The following BMPR1B variants were observed in gnomAD, a reference collection of about 807,000 sequenced individuals.
The protein encoded by BMPR1B is bone morphogenetic protein receptor type-1B.
In BMPR1B, 12 loss-of-function variants were observed where a neutral mutation model predicts 59.1. The observed-to-expected ratio is 0.20, with a 90% CI of 0.13 to 0.33. BMPR1B has a LOEUF of 0.33. Ranked by LOEUF, BMPR1B falls within the 10% of genes least tolerant of loss-of-function variation. BMPR1B has a pLI of 1.00. For synonymous variants in BMPR1B, 237 were observed against 207.3 expected (o/e 1.14, Z -1.23); for missense variants, 550 against 610.9 (o/e 0.90, Z 1.05).
intron 3 of BMPR1B, among the ~76,000 whole-genome samples, chr4:95,082,863 C>A (rs28392869): frequency 0.62 from 92,832 of 150,628 alleles, 29,398 homozygotes; most frequent in South Asian, 0.73. Context: ...ACGGTGAAGC[C>A]TCGTCTCTAC....
intron 2 of BMPR1B, among the ~76,000 whole-genome samples, chr4:94,883,651 AATAC>A (rs1224730406): frequency 3.9e-5 from 6 of 152,022 alleles, no homozygotes; most frequent in African/African-American, 1.2e-4. Flanking sequence ...TATATTCTGT[AATAC>A]ATATTAATGT....
chr4:94,893,942 A>C (rs914157798), intron 2 of BMPR1B, among the ~76,000 whole-genome samples: 4 of 152,016 alleles, frequency 2.6e-5, no homozygotes, highest in African/African-American at 4.8e-5. Flanking sequence ...TGTCCTTGGC[A>C]GTTCTTGAGA....
intron 2 of BMPR1B, among the ~76,000 whole-genome samples, chr4:94,955,321 ACTTAAG>A (rs779291781): frequency 4.6e-5 from 7 of 152,192 alleles, no homozygotes; most frequent in Non-Finnish European, 1.0e-4. Context: ...CCATGTGATT[ACTTAAG>A]CTTAATATAC....
At chr4:94,932,602 A>G (rs116416686) in intron 2 of BMPR1B, among the ~76,000 whole-genome samples, 175 of 152,300 alleles carry the variant, frequency 1.1e-3, no homozygotes, top group African/African-American at 3.8e-3. Context: ...GCAGTTTGTC[A>G]TAAATAAATG....
At chr4:94,774,865 AT>A (rs11344222) in intron 1 of BMPR1B, among the ~76,000 whole-genome samples, 7,465 of 152,160 alleles carry the variant, frequency 0.049, 454 homozygotes, top group African/African-American at 0.15. Flanking sequence ...GTCAGTGTTG[AT>A]TAACTGACTT....
chr4:94,886,251 C>T (rs1302010450), intron 2 of BMPR1B, among the ~76,000 whole-genome samples: 1 of 152,098 alleles, frequency 6.6e-6, no homozygotes. Context: ...AAGACTATTA[C>T]AATTTGATAA....
At chr4:94,768,888 A>G (rs932846536) in intron 1 of BMPR1B, among the ~76,000 whole-genome samples, 19 of 152,198 alleles carry the variant, frequency 1.2e-4, no homozygotes, top group African/African-American at 4.6e-4. Flanking sequence ...CATGTATTAT[A>G]TAAAATATAT....
intron 1 of BMPR1B, among the ~76,000 whole-genome samples, chr4:94,825,687 C>G (rs1724358423): frequency 6.6e-6 from 1 of 151,982 alleles, no homozygotes; most frequent in African/African-American, 2.4e-5. Flanking sequence ...TGCAATAGTT[C>G]TGGGGAGTAA....
At chr4:94,791,518 A>T (rs1276660872) in intron 1 of BMPR1B, among the ~76,000 whole-genome samples, 1 of 152,238 alleles carries the variant, frequency 6.6e-6, no homozygotes, top group African/African-American at 2.4e-5. Context: ...AATGACATTT[A>T]AAAATATTCT....
chr4:94,854,580 G>A (rs1725687326), intron 1 of BMPR1B, among the ~76,000 whole-genome samples: 1 of 152,100 alleles, frequency 6.6e-6, no homozygotes, highest in Admixed American at 6.6e-5. Context: ...TAAATACTAT[G>A]CATTTATATG....
rs763655134 is a variant in BMPR1B, at chr4:94,975,363, G to GTTTTTTTT, written c.-112-20666_-112-20659dup. Among the ~76,000 whole-genome samples, 76 of 111,636 alleles carry GTTTTTTTT rather than the reference G, an allele frequency of 6.8e-4. 1 individual carries two copies. The highest frequency in any genetic ancestry group is 1.6e-3 in the East Asian group (5 of 3,104). The allele number at this position is 111,636 out of a possible 152,430, so 73.2% of individuals were successfully genotyped here. ...AAAATCTTAATTTCCTTTTGTTTTT[G>GTTTTTTTT]TTTTTTTTTTTTTTTTTTGAGACGG... On this transcript the variant is annotated intron_variant, in intron 2 of 12. Coordinates refer to ENST00000515059, the MANE Select transcript of BMPR1B (RefSeq NM_001203.3).
At chr4:94,852,100 T>C (rs1370315710) in intron 1 of BMPR1B, among the ~76,000 whole-genome samples, 1 of 152,178 alleles carries the variant, frequency 6.6e-6, no homozygotes, top group African/African-American at 2.4e-5. Flanking sequence ...TTTGTATTCA[T>C]TGCAGTTATT....
intron 1 of BMPR1B, among the ~76,000 whole-genome samples, chr4:94,864,179 G>A (rs1022786882): frequency 1.3e-5 from 2 of 152,122 alleles, no homozygotes; most frequent in African/African-American, 4.8e-5. Context: ...AAGAAACAGT[G>A]GTCTCTGGCT....
intron 3 of BMPR1B, among the ~76,000 whole-genome samples, chr4:95,093,190 C>G (rs1730120320): frequency 6.6e-6 from 1 of 151,980 alleles, no homozygotes; most frequent in Non-Finnish European, 1.5e-5. Flanking sequence ...ACTTGCTTGT[C>G]AAGTTAATTT....
At chr4:94,871,212 T>C (rs1172733984) in intron 1 of BMPR1B, among the ~76,000 whole-genome samples, 2 of 152,156 alleles carry the variant, frequency 1.3e-5, no homozygotes, top group Non-Finnish European at 1.5e-5. Flanking sequence ...ACCTGTTTCT[T>C]TGCTGCTCTG....
chr4:94,775,831 C>G (rs900809323), intron 1 of BMPR1B, among the ~76,000 whole-genome samples: 2 of 150,504 alleles, frequency 1.3e-5, no homozygotes, highest in African/African-American at 5.0e-5. Context: ...GTGGCTCACG[C>G]CTGTAATCCC....
chr4:95,125,164 G>C, intron 8 of BMPR1B, 43 bp downstream of exon 8: 1 of 1,609,574 alleles, frequency 6.2e-7, no homozygotes, highest in Non-Finnish European at 8.5e-7. Flanking sequence ...AATGTTTTCT[G>C]AAAGAACTGT....
At chr4:94,937,117 G>A (rs966229264) in intron 2 of BMPR1B, among the ~76,000 whole-genome samples, 11 of 152,164 alleles carry the variant, frequency 7.2e-5, no homozygotes, top group Non-Finnish European at 1.5e-4. Context: ...TACAGCCTAT[G>A]CATTTTTTAT....
At chr4:94,954,430 A>G (rs1341134801) in intron 2 of BMPR1B, among the ~76,000 whole-genome samples, 2 of 152,234 alleles carry the variant, frequency 1.3e-5, no homozygotes, top group Non-Finnish European at 2.9e-5. Flanking sequence ...TATGCAATGC[A>G]TATCATTAAG....
Sources: gnomAD v4.1 joint callset for allele counts (sites outside exome capture counted in the v4.1 genomes callset) on GRCh38, gnomAD v4.1.1 for gene constraint, MANE v1.5 for transcripts, NCBI Gene and HGNC (gene_info 2026-07-23, HGNC 2026-07-21) for gene names.